Variants in JMJD1C observed in about 807,000 individuals in gnomAD.
JMJD1C encodes the protein jumonji domain-containing protein 1C.
In JMJD1C, 31 loss-of-function variants were observed where a neutral mutation model predicts 245.3. That is an observed-to-expected ratio of 0.13 (90% CI 0.09 to 0.17). The LOEUF (loss-of-function observed/expected upper bound fraction) is 0.17. Among genes scored for constraint, JMJD1C ranks in the 10% least tolerant of loss-of-function variants. JMJD1C has a pLI of 1.00. For synonymous variants in JMJD1C, 1,057 were observed against 1,017.4 expected (o/e 1.04, Z -0.74); for missense variants, 2,691 against 3,000.2 (o/e 0.90, Z 2.41).
intron 1 of JMJD1C, among the ~76,000 whole-genome samples, chr10:63,454,053 T>G (rs775759431): frequency 6.6e-6 from 1 of 152,162 alleles, no homozygotes; most frequent in Non-Finnish European, 1.5e-5. Flanking sequence ...CCCAATTTTT[T>G]TCTACTAGTC....
intron 23 of JMJD1C, chr10:63,176,998 T>A (rs952892139): frequency 1.4e-4 from 21 of 152,706 alleles, no homozygotes; most frequent in African/African-American, 4.8e-4. Context: ...ATACTTCAGA[T>A]TAAAATACAG....
chr10:63,245,626 G>T (rs1852109875), intron 3 of JMJD1C, among the ~76,000 whole-genome samples: 1 of 151,920 alleles, frequency 6.6e-6, no homozygotes, highest in Non-Finnish European at 1.5e-5. Flanking sequence ...GGGATTACAG[G>T]CACCTGCCAC....
At chr10:63,432,446 G>A (rs987114657) in intron 1 of JMJD1C, among the ~76,000 whole-genome samples, 1 of 152,126 alleles carries the variant, frequency 6.6e-6, no homozygotes, top group African/African-American at 2.4e-5. Flanking sequence ...CCCATTGTGT[G>A]TGTGTGACAC....
At chr10:63,413,381 A>G (rs1185506477) in intron 1 of JMJD1C, among the ~76,000 whole-genome samples, 1 of 152,208 alleles carries the variant, frequency 6.6e-6, no homozygotes, top group Non-Finnish European at 1.5e-5. Flanking sequence ...TCTGTTAAAT[A>G]ACATTCTTAA....
chr10:63,308,609 G>GAAAA (rs58302652), intron 2 of JMJD1C, among the ~76,000 whole-genome samples: 21 of 129,770 alleles, frequency 1.6e-4, no homozygotes, highest in African/African-American at 5.4e-4. Context: ...GCTGCTATAG[G>GAAAA]AAAAAAAAAA....
At chr10:63,456,088 A>T (rs1952393370) in intron 1 of JMJD1C, among the ~76,000 whole-genome samples, 1 of 152,148 alleles carries the variant, frequency 6.6e-6, no homozygotes, top group Non-Finnish European at 1.5e-5. Flanking sequence ...AAATACATAT[A>T]GTCTATATTC....
At chr10:63,324,121 C>G (rs1941249360) in intron 2 of JMJD1C, among the ~76,000 whole-genome samples, 1 of 150,642 alleles carries the variant, frequency 6.6e-6, no homozygotes, top group African/African-American at 2.4e-5. Flanking sequence ...CTTCCCTACT[C>G]AGTCTACTAG....
intron 3 of JMJD1C, among the ~76,000 whole-genome samples, chr10:63,232,525 G>T (rs1850150728): frequency 6.6e-6 from 1 of 152,032 alleles, no homozygotes; most frequent in African/African-American, 2.4e-5. Context: ...CTGTTATGAA[G>T]GAAAAAAATT....
chr10:63,497,588 A>G (rs548617700), intron 1 of JMJD1C, among the ~76,000 whole-genome samples: 1 of 152,256 alleles, frequency 6.6e-6, no homozygotes, highest in Admixed American at 6.5e-5. Context: ...CTCTGTGAAC[A>G]TGCTAAAAAC....
At position 63,366,797 on chromosome 10, in the gene JMJD1C, G is replaced by A. The variant is rs544709276; in HGVS notation, c.333+13521C>T. On this transcript the variant is annotated intron_variant, in intron 2 of 25. Transcript: ENST00000399262. ...CTGAGAAATGATGGATCCAACTCCT[G>A]GGTGCCTGGGTCACTGGATACATAA... Among the ~76,000 whole-genome samples, 4 of 152,254 alleles carry A rather than the reference G, an allele frequency of 2.6e-5. No homozygotes were observed. The South Asian group carries it at 8.3e-4, about 32-fold the overall frequency.
At chr10:63,432,418 A>C (rs1950813029) in intron 1 of JMJD1C, among the ~76,000 whole-genome samples, 1 of 133,832 alleles carries the variant, frequency 7.5e-6, no homozygotes, top group Non-Finnish European at 1.6e-5. Context: ...CTTGTCATCC[A>C]CCAAGCAAAT....
intron 24 of JMJD1C, among the ~76,000 whole-genome samples, chr10:63,171,285 G>A (rs1300905373): frequency 1.2e-5 from 1 of 85,004 alleles, no homozygotes; most frequent in Non-Finnish European, 3.8e-5. Flanking sequence ...GCTCTGTGGA[G>A]GGATGTACAG....
chr10:63,189,040 C>T, intron 18 of JMJD1C, 128 bp downstream of exon 18: 1 of 722,008 alleles, frequency 1.4e-6, no homozygotes, highest in Non-Finnish European at 2.1e-6. Flanking sequence ...ACTTTTATAT[C>T]TTATTGTCCC....
chr10:63,240,498 A>G (rs574745532), intron 3 of JMJD1C, among the ~76,000 whole-genome samples: 1 of 152,316 alleles, frequency 6.6e-6, no homozygotes, highest in African/African-American at 2.4e-5. Context: ...ATGATTAGCC[A>G]TCTTAGCAAC....
At chr10:63,482,283 A>C (rs1953854224) in intron 1 of JMJD1C, among the ~76,000 whole-genome samples, 1 of 152,244 alleles carries the variant, frequency 6.6e-6, no homozygotes, top group Admixed American at 6.5e-5. Flanking sequence ...AAATAATCAG[A>C]AAGTACTTAA....
At chr10:63,475,131 TTATAA>T (rs899846741) in intron 1 of JMJD1C, among the ~76,000 whole-genome samples, 4 of 152,196 alleles carry the variant, frequency 2.6e-5, no homozygotes, top group African/African-American at 9.7e-5. Context: ...TCCTTTACAG[TTATAA>T]TAAATAATTA....
chr10:63,342,976 T>A lies in JMJD1C; in HGVS notation c.333+37342A>T, dbSNP rs934250681. On this transcript the variant is annotated intron_variant, in intron 2 of 25. Transcript: ENST00000399262. ...ACCTCCCCAAGATATCTCAAGTATATGAAAATATTCTAAAACCTGAAAAAA... is the reference window on the plus strand; with the variant it reads ...ACCTCCCCAAGATATCTCAAGTATAAGAAAATATTCTAAAACCTGAAAAAA... 2.0e-5 allele frequency among the ~76,000 whole-genome samples: 3 copies of A among 152,134 alleles called. No individual in the cohort carries two copies. In the East Asian group the frequency reaches 5.8e-4, roughly 29 times the overall value.
At chr10:63,173,491 G>T (rs557817014) in intron 24 of JMJD1C, among the ~76,000 whole-genome samples, 1 of 152,208 alleles carries the variant, frequency 6.6e-6, no homozygotes, top group Non-Finnish European at 1.5e-5. Context: ...GGAGGCCAAG[G>T]CAGGAAGATT....
Position 63,200,655 on chromosome 10 carries a change from C to T in JMJD1C, c.5097G>A (p.Leu1699=). 1.9e-6 allele frequency: 3 copies of T among 1,613,928 alleles called. No individual in the cohort carries two copies. The highest frequency in any genetic ancestry group is 2.5e-6 in the Non-Finnish European group (3 of 1,179,920). ...GCTTCTTGACTTTACGCCAATCTTTCAATACTGAACGAGGAATGCCAGCTG... is the reference window on the plus strand; with the variant it reads ...GCTTCTTGACTTTACGCCAATCTTTTAATACTGAACGAGGAATGCCAGCTG... The part of the protein sequence containing the change: ...NSNTGIPRSV[L]KDWRKVKKLK... The change falls in exon 11 of 26, where the codon TTG becomes TTA. Residue 1699 remains leucine, a synonymous_variant. Transcript: ENST00000399262.
Sources: allele counts gnomAD v4.1 joint callset (sites outside exome capture counted in the v4.1 genomes callset), GRCh38; gene constraint gnomAD v4.1.1; transcripts MANE v1.5; gene names NCBI Gene and HGNC (gene_info 2026-07-23, HGNC 2026-07-21).